PABPN1: variants seen among roughly 807,000 people sequenced by gnomAD.
The protein encoded by PABPN1 is polyadenylate-binding protein 2.
In PABPN1, 5 loss-of-function variants were observed where a neutral mutation model predicts 33.4. The ratio of observed to expected loss-of-function variants is 0.15; its 90% CI spans 0.08 to 0.32. The LOEUF (loss-of-function observed/expected upper bound fraction) is 0.32. Among genes scored for constraint, PABPN1 ranks in the 10% least tolerant of loss-of-function variants. The pLI is 1.00. For missense variants in PABPN1, 312 were observed against 425.8 expected, an observed-to-expected ratio of 0.73 and a Z score of 2.35; for synonymous variants, 176 against 170.6, an observed-to-expected ratio of 1.03 and a Z score of -0.25.
chr14:23,322,469 C>A, intron 2 of PABPN1, 174 bp downstream of exon 2: 1 of 667,866 alleles, frequency 1.5e-6, no homozygotes, highest in Non-Finnish European at 2.7e-6. Flanking sequence ...TGAGGCAGAA[C>A]GTATATTTTG....
At chr14:23,323,110 T>G in intron 3 of PABPN1, 44 bp downstream of exon 3, 1 of 1,612,234 alleles carries the variant, frequency 6.2e-7, no homozygotes, top group African/African-American at 1.3e-5. Flanking sequence ...AAGTTCTTCT[T>G]TTGGGGAATT....
intron 6 of PABPN1, chr14:23,324,807 G>A (rs967549560): frequency 4.2e-6 from 1 of 238,128 alleles, no homozygotes; most frequent in African/African-American, 2.3e-5. Flanking sequence ...GCCTAGTGTG[G>A]TGCCCAGGTT....
chr14:23,321,661 C>CGAGCCG lies in PABPN1; in HGVS notation c.198_203dup (p.Pro70_Glu71dup), dbSNP rs1376202215. 2 of 1,514,102 alleles carry CGAGCCG rather than the reference C, an allele frequency of 1.3e-6. No individual in the cohort carries two copies. Among genetic ancestry groups the CGAGCCG allele is most frequent in the Non-Finnish European group, 8.9e-7 (1 of 1,117,872 alleles). 93.8% of individuals were successfully genotyped at this position (1,514,102 alleles called of 1,614,324 possible). The stretch of plus-strand genomic sequence containing the variant: ...AGCCTGAGGAGCTGCTGCTGGAGCC[C>CGAGCCG]GAGCCGGAGCCCGAGCCCGAAGAGG... On this transcript the variant is annotated inframe_insertion, in exon 1 of 7. Coordinates refer to ENST00000216727, the MANE Select transcript of PABPN1 (RefSeq NM_004643.4).
Position 23,323,991 on chromosome 14 carries a change from A to G in PABPN1, c.668A>G (p.Lys223Arg), listed in dbSNP as rs1258958708. Reference protein sequence around the residue: ...KGFAYIEFSDKESVRTSLALD... With the variant: ...KGFAYIEFSDRESVRTSLALD... Reference sequence around the variant, plus strand: ...TTTGCGTATATAGAGTTCTCAGACAAAGAGTCAGTGAGGACTTCCTTGGCC... The same window carrying G: ...TTTGCGTATATAGAGTTCTCAGACAGAGAGTCAGTGAGGACTTCCTTGGCC... Residue 223 changes from lysine to arginine, a missense_variant, in exon 5 of 7, where the codon AAA becomes AGA. Around this residue, in one of 3 missense-constraint regions of PABPN1, gnomAD observed 77 missense variants for 185.7 expected, o/e 0.41. Transcript: ENST00000216727. 1.9e-6 allele frequency: 3 copies of G among 1,614,172 alleles called. No homozygotes were observed. The highest frequency in any genetic ancestry group is 1.3e-5 in the African/African-American group (1 of 75,044).
At chr14:23,322,509 C>A in intron 2 of PABPN1, 1 of 594,036 alleles carries the variant, frequency 1.7e-6, no homozygotes, top group Non-Finnish European at 3.1e-6. Context: ...TCCCTTTGTG[C>A]CTGTTATAAT....
At chr14:23,322,026 T>A (rs1336550345) in intron 1 of PABPN1, 155 bp from the exon 2 acceptor site, 21 of 880,182 alleles carry the variant, frequency 2.4e-5, no homozygotes, top group Admixed American at 4.4e-5. Context: ...CCTAGTGTTG[T>A]TCTAGAGAGG....
At chr14:23,324,378 C>T (rs1213589504) in intron 6 of PABPN1, 89 bp downstream of exon 6, 6 of 1,309,788 alleles carry the variant, frequency 4.6e-6, no homozygotes, top group Non-Finnish European at 5.1e-6. Flanking sequence ...CTCCCTCCCC[C>T]CACCCCTCCC....
At chr14:23,325,211 A>G (rs1281761745) in intron 6 of PABPN1, 36 bp from the exon 7 acceptor site, 2 of 1,613,736 alleles carry the variant, frequency 1.2e-6, no homozygotes, top group Non-Finnish European at 1.7e-6. Context: ...CTATCTAGTG[A>G]TCACGTTAAC....
rs1275724222 is a variant in PABPN1 at position 23,325,670 on chromosome 14, A to C, written c.*384A>C. The C allele has an allele frequency of 3.4e-5, 7 of 207,818 alleles. No individual in the cohort carries two copies. Among genetic ancestry groups the C allele is most frequent in the South Asian group, 2.4e-4 (3 of 12,646 alleles). 12.9% of individuals were successfully genotyped at this position (207,818 alleles called of 1,614,324 possible). ...TACCCAGGGCTCTGGAAGGACACCA[A>C]ACTGTTCTGCTTGTTACCTTCCCTC... On this transcript the variant is annotated 3_prime_UTR_variant, in exon 7 of 7. Transcript: ENST00000216727.
Position 23,322,312 on chromosome 14 carries a change from T to C in PABPN1, c.466+17T>C, listed in dbSNP as rs1414758222. On this transcript the variant is annotated intron_variant, in intron 2 of 6. Transcript: ENST00000216727. ...CAGGCAATGGTGAGTAACTGGCGGT[T>C]GCACGCGGAGCCCGGGTTCTCGGGT... 3.8e-6 allele frequency: 6 copies of C among 1,582,870 alleles called. No homozygotes were observed. In the East Asian group the frequency reaches 1.4e-4, roughly 36 times the overall value.
rs764111212 is a variant in PABPN1, at chr14:23,323,995, G to A, written c.672G>A (p.Glu224=). The A allele has an allele frequency of 6.8e-6, 11 of 1,614,178 alleles. No individual in the cohort carries two copies. The highest frequency in any genetic ancestry group is 9.3e-6 in the Non-Finnish European group (11 of 1,180,024). ...CGTATATAGAGTTCTCAGACAAAGA[G>A]TCAGTGAGGACTTCCTTGGCCTTAG... The part of the protein sequence containing the change: ...GFAYIEFSDK[E]SVRTSLALDE... Residue 224 remains glutamate (E), a synonymous_variant, in exon 5 of 7, where the codon GAG becomes GAA. Coordinates refer to ENST00000216727, the MANE Select transcript of PABPN1 (RefSeq NM_004643.4).
chr14:23,325,192 T>C (rs1888654547), intron 6 of PABPN1, 55 bp from the exon 7 acceptor site: 5 of 1,611,936 alleles, frequency 3.1e-6, no homozygotes, highest in African/African-American at 1.3e-5. Context: ...GGGAGGGGCT[T>C]GTACTGAACT....
rs905226177 is a variant in PABPN1 at position 23,321,514 on chromosome 14, C to A, written c.45C>A (p.Gly15=). ...AAAAAAAGAA[G]GRGSGPGRRR... ...CGGCAGCAGCAGCGGGGGCTGCGGGCGGTCGGGGCTCCGGGCCGGGGCGGC... is the reference window on the plus strand; with the variant it reads ...CGGCAGCAGCAGCGGGGGCTGCGGGAGGTCGGGGCTCCGGGCCGGGGCGGC... Residue 15 remains glycine, a synonymous_variant, in exon 1 of 7, where the codon GGC becomes GGA. Transcript: ENST00000216727. 7 of 1,235,490 alleles carry A rather than the reference C, an allele frequency of 5.7e-6. No individual in the cohort carries two copies. Among genetic ancestry groups the A allele is most frequent in the Admixed American group, 4.3e-5 (1 of 23,210 alleles). 76.5% of individuals were successfully genotyped at this position (1,235,490 alleles called of 1,614,324 possible). A position where few individuals can be genotyped will look rare whatever the true frequency, so the allele number is the denominator to read the frequency against.
Position 23,321,804 on chromosome 14 carries a change from G to C in PABPN1, c.335G>C (p.Gly112Ala). The change falls in exon 1 of 7, where the codon GGC becomes GCC. Residue 112 changes from glycine to alanine, a missense_variant. Around this residue, in one of 3 missense-constraint regions of PABPN1, gnomAD observed 167 missense variants for 168.9 expected, o/e 0.99. Coordinates refer to ENST00000216727, the MANE Select transcript of PABPN1 (RefSeq NM_004643.4). ...PGLVEGDPGD[G>A]AIEDPELEAI... is the part of the protein sequence containing the mutation. The stretch of plus-strand genomic sequence containing the variant: ...CTGGTCGAGGGTGACCCGGGGGACG[G>C]CGCCATTGAGGACCCGGTGAGGGAA... The C allele has an allele frequency of 6.7e-7, 1 of 1,494,102 alleles. No homozygotes were observed. The highest frequency in any genetic ancestry group is 8.9e-7 in the Non-Finnish European group (1 of 1,122,806). The allele number at this position is 1,494,102 out of a possible 1,614,324, so 92.6% of individuals were successfully genotyped here.
intron 6 of PABPN1, chr14:23,324,776 G>A (rs1023956368): frequency 2.3e-5 from 6 of 257,670 alleles, no homozygotes; most frequent in African/African-American, 1.3e-4. Flanking sequence ...AGCCAGTCTT[G>A]CAAGGTTAAC....
chr14:23,322,407 C>T (rs367592068), intron 2 of PABPN1, 112 bp downstream of exon 2: 1 of 907,982 alleles, frequency 1.1e-6, no homozygotes. Flanking sequence ...CTTGTCTGAG[C>T]TATTATGACT....
At position 23,322,905 on chromosome 14, in the gene PABPN1, G is replaced by A. The variant is rs1888425929; in HGVS notation, c.467-94G>A. On this transcript the variant is annotated intron_variant, in intron 2 of 6. Coordinates refer to ENST00000216727, the MANE Select transcript of PABPN1 (RefSeq NM_004643.4). ...AGACCAAAATCTTTGCCTTCACTGAGCTTATGGGATAGTGCTGGTGGTGGA... is the reference window on the plus strand; with the variant it reads ...AGACCAAAATCTTTGCCTTCACTGAACTTATGGGATAGTGCTGGTGGTGGA... The A allele has an allele frequency of 7.6e-6, 12 of 1,570,206 alleles. No homozygotes were observed. In the Admixed American group the frequency reaches 1.8e-4, roughly 24 times the overall value.
In PABPN1 at chr14:23,323,042, TGCCC is replaced by T; in HGVS notation, c.512_515del (p.Ala171ValfsTer47). 1 of 1,614,210 alleles carries T rather than the reference TGCCC, an allele frequency of 6.2e-7. No homozygotes were observed. The highest frequency in any genetic ancestry group is 8.5e-7 in the Non-Finnish European group (1 of 1,180,038). On this transcript the variant is annotated frameshift_variant, in exon 3 of 7. Coordinates refer to ENST00000216727, the MANE Select transcript of PABPN1 (RefSeq NM_004643.4). LOFTEE classifies it high-confidence loss of function. ...CCATTGAGGAGAAGATGGAGGCTGA[TGCCC>T]GTTCCATCTATGTTGGCAATGTACG...
Position 23,325,746 on chromosome 14 carries a change from A to G in PABPN1, c.*460A>G, listed in dbSNP as rs1472313369. 6.3e-6 allele frequency: 1 copy of G among 159,588 alleles called. No homozygotes were observed. The highest frequency in any genetic ancestry group is 6.0e-5 in the Admixed American group (1 of 16,560). 9.9% of individuals were successfully genotyped at this position (159,588 alleles called of 1,614,324 possible). On this transcript the variant is annotated 3_prime_UTR_variant, in exon 7 of 7. Coordinates refer to ENST00000216727, the MANE Select transcript of PABPN1 (RefSeq NM_004643.4). ...CCCTCCTGCCTGCTCCTGTCCAGCC[A>G]GGTCTACCACCCACCCCACCCCTCT... is the stretch of plus-strand genomic sequence containing the variant.
Sources: allele counts gnomAD v4.1 joint callset, GRCh38; gene constraint gnomAD v4.1.1; regional missense constraint gnomAD v4.1.1; transcripts MANE v1.5; gene names NCBI Gene and HGNC (gene_info 2026-07-23, HGNC 2026-07-21).